The following OR3A3 variants were observed in gnomAD, a reference collection of about 807,000 sequenced individuals.
The protein encoded by OR3A3 is olfactory receptor family 3 subfamily A member 3, also known as olfactory receptor 3A3.
For synonymous variants in OR3A3, 103 were observed against 163.9 expected (o/e 0.63, Z 2.84); for missense variants, 275 against 391.4 (o/e 0.70, Z 2.51).
At chr17:3,417,466 C>G (rs779344238) in intron 2 of OR3A3, among the ~76,000 whole-genome samples, 2 of 152,060 alleles carry the variant, frequency 1.3e-5, no homozygotes, top group African/African-American at 2.4e-5. Flanking sequence ...AACCACAATC[C>G]CCATATACGT....
intron 2 of OR3A3, among the ~76,000 whole-genome samples, chr17:3,415,558 A>G (rs1402014961): frequency 5.1e-5 from 6 of 117,164 alleles, no homozygotes; most frequent in Non-Finnish European, 8.2e-5. Flanking sequence ...CGAAACTCCA[A>G]CTCAAAAAAA....
At chr17:3,418,825 T>C (rs572569846) in intron 2 of OR3A3, among the ~76,000 whole-genome samples, 1 of 152,310 alleles carries the variant, frequency 6.6e-6, no homozygotes, top group Non-Finnish European at 1.5e-5. Context: ...GCCCTACTTG[T>C]CTCTAGTCAA....
intron 2 of OR3A3, among the ~76,000 whole-genome samples, chr17:3,420,238 C>A (rs1190480144): frequency 6.6e-6 from 1 of 152,106 alleles, no homozygotes; most frequent in East Asian, 1.9e-4. Flanking sequence ...CACACAGTTA[C>A]CCATTTTCCC....
intron 2 of OR3A3, among the ~76,000 whole-genome samples, chr17:3,419,075 A>C (rs1259857177): frequency 6.6e-6 from 1 of 152,220 alleles, no homozygotes. Flanking sequence ...CTGACAATGT[A>C]CACAGAAAAA....
chr17:3,418,515 C>T (rs1457080728), intron 2 of OR3A3, among the ~76,000 whole-genome samples: 1 of 152,200 alleles, frequency 6.6e-6, no homozygotes, highest in African/African-American at 2.4e-5. Context: ...GTCTCCTCTG[C>T]TTCTCAGATC....
chr17:3,419,091 T>G (rs2072409952), intron 2 of OR3A3, among the ~76,000 whole-genome samples: 1 of 152,158 alleles, frequency 6.6e-6, no homozygotes, highest in Non-Finnish European at 1.5e-5. Flanking sequence ...AAAAAATAAT[T>G]TTAAATTAAC....
intron 2 of OR3A3, among the ~76,000 whole-genome samples, chr17:3,415,898 T>A (rs2150680665): frequency 6.7e-6 from 1 of 150,196 alleles, no homozygotes; most frequent in East Asian, 2.0e-4. Context: ...AACCTCCACC[T>A]CCTAGGTTTA....
chr17:3,415,798 A>AATTATT (rs71153352), intron 2 of OR3A3, among the ~76,000 whole-genome samples: 2,899 of 90,492 alleles, frequency 0.032, 51 homozygotes, highest in South Asian at 0.057. Context: ...CTTATTTTTA[A>AATTATT]ATTATTATTA....
intron 2 of OR3A3, among the ~76,000 whole-genome samples, chr17:3,420,131 T>C (rs1794725776): frequency 6.6e-6 from 1 of 152,112 alleles, no homozygotes. Flanking sequence ...TAACAAATTT[T>C]ATTGCGTATA....
At chr17:3,421,028 T>G in exon 3 of OR3A3, 1 of 1,614,108 alleles carries the variant, frequency 6.2e-7, no homozygotes. Context: ...AGGATGTTGG[T>G]GGCTGCGTCC....
At chr17:3,418,389 T>C (rs1210340217) in intron 2 of OR3A3, among the ~76,000 whole-genome samples, 2 of 152,216 alleles carry the variant, frequency 1.3e-5, no homozygotes, top group Non-Finnish European at 2.9e-5. Flanking sequence ...TTGACTTCTC[T>C]AATGTCAATG....
chr17:3,412,072 C>T (rs1392732005), exon 2 of OR3A3: 2 of 152,142 alleles, frequency 1.3e-5, no homozygotes, highest in Non-Finnish European at 2.9e-5. Flanking sequence ...ATTTCTCAGT[C>T]ATTAGCCCCT....
intron 2 of OR3A3, among the ~76,000 whole-genome samples, chr17:3,412,380 A>G (rs2020284): frequency 0.96 from 138,654 of 143,800 alleles, 66,811 homozygotes; most frequent in East Asian, 0.99. Flanking sequence ...GCCTGTTAGC[A>G]TGAGTGTGAG....
At chr17:3,419,066 T>C (rs2072409681) in intron 2 of OR3A3, among the ~76,000 whole-genome samples, 1 of 152,214 alleles carries the variant, frequency 6.6e-6, no homozygotes, top group Non-Finnish European at 1.5e-5. Flanking sequence ...GGGGAGTAGC[T>C]GACAATGTAC....
chr17:3,414,752 A>G (rs1462341585), intron 2 of OR3A3, among the ~76,000 whole-genome samples: 1 of 152,180 alleles, frequency 6.6e-6, no homozygotes, highest in Non-Finnish European at 1.5e-5. Flanking sequence ...ATAGCCTGGG[A>G]GAGCTGCTGT....
chr17:3,421,250 C>A, exon 3 of OR3A3: 1 of 1,614,192 alleles, frequency 6.2e-7, no homozygotes, highest in Non-Finnish European at 8.5e-7. Flanking sequence ...GTGTCCTATG[C>A]CCATGTGGTA....
chr17:3,418,316 A>G (rs113855676), intron 2 of OR3A3, among the ~76,000 whole-genome samples: 616 of 152,192 alleles, frequency 4.0e-3, no homozygotes, highest in Non-Finnish European at 7.1e-3. Flanking sequence ...GTTTTTCATG[A>G]GAGGTTTTTG....
At chr17:3,419,845 C>T (rs563974527) in intron 2 of OR3A3, among the ~76,000 whole-genome samples, 10 of 151,388 alleles carry the variant, frequency 6.6e-5, no homozygotes, top group South Asian at 2.1e-4. Context: ...ACCATTCTCC[C>T]GCCTCAGCCT....
intron 1 of OR3A3, among the ~76,000 whole-genome samples, 153 bp from the exon 2 acceptor site, chr17:3,411,825 G>A (rs923624174): frequency 1.6e-4 from 24 of 152,248 alleles, no homozygotes; most frequent in East Asian, 7.7e-4. Flanking sequence ...ATCATCTGCC[G>A]TAACAACCTG....
Sources: gnomAD v4.1 joint callset for allele counts (sites outside exome capture counted in the v4.1 genomes callset) on GRCh38, gnomAD v4.1.1 for gene constraint, MANE v1.5 for transcripts, NCBI Gene and HGNC (gene_info 2026-07-23, HGNC 2026-07-21) for gene names.